The following SP140L variants were observed in gnomAD, a reference collection of about 807,000 sequenced individuals.
SP140L encodes SP140 like nuclear body protein, also known as nuclear body protein SP140-like protein.
A neutral mutation model predicts 84.3 loss-of-function variants in SP140L; 64 were observed. The ratio of observed to expected loss-of-function variants is 0.76; its 90% CI spans 0.62 to 0.94. The LOEUF is 0.94. Ranked by LOEUF, SP140L falls within the 40% of genes least tolerant of loss-of-function variation. The pLI is 0.00. For missense variants in SP140L, 628 were observed against 692.5 expected (o/e 0.91, Z 1.05); for synonymous variants, 242 against 236.9 (o/e 1.02, Z -0.20).
intron 2 of SP140L, among the ~76,000 whole-genome samples, chr2:230,339,413 G>T (rs2059970430): frequency 6.6e-6 from 1 of 151,328 alleles, no homozygotes; most frequent in Admixed American, 6.6e-5. Context: ...CTTGCTAGCG[G>T]TCTATCAATT....
At chr2:230,383,139 C>A (rs1032217094) in intron 7 of SP140L, among the ~76,000 whole-genome samples, 1 of 152,216 alleles carries the variant, frequency 6.6e-6, no homozygotes, top group Admixed American at 6.5e-5. Context: ...TTATCCATAA[C>A]ACCATCAACC....
At position 230,398,369 on chromosome 2, in the gene SP140L, A is replaced by C. The variant is rs574787289; in HGVS notation, c.1197+1571A>C. Among the ~76,000 whole-genome samples the C allele has an allele frequency of 3.8e-4, 58 of 152,346 alleles. 1 individual carries two copies. The South Asian group carries it at 0.012, about 30-fold the overall frequency. On this transcript the variant is annotated intron_variant, in intron 14 of 18. Coordinates refer to ENST00000415673, the MANE Select transcript of SP140L (RefSeq NM_138402.6). ...CAACAACTAAAGAACCAGAGAAATC[A>C]AATCTCTTCTTGAAAAGATATAAGT...
intron 2 of SP140L, among the ~76,000 whole-genome samples, chr2:230,348,162 GA>G (rs2060266022): frequency 6.6e-6 from 1 of 152,226 alleles, no homozygotes; most frequent in African/African-American, 2.4e-5. Context: ...CAGCCTTGGG[GA>G]GGAGCAACAC....
intron 2 of SP140L, among the ~76,000 whole-genome samples, chr2:230,356,057 C>T (rs1402452113): frequency 6.6e-6 from 1 of 152,086 alleles, no homozygotes; most frequent in East Asian, 1.9e-4. Context: ...CCAGTAAACA[C>T]ATGAAAACAT....
chr2:230,365,047 T>C (rs1328466466), intron 5 of SP140L, among the ~76,000 whole-genome samples: 1 of 152,084 alleles, frequency 6.6e-6, no homozygotes, highest in Non-Finnish European at 1.5e-5. Flanking sequence ...TGAGGATTTT[T>C]CACATATGTT....
At chr2:230,354,886 A>AAAGAAAGAAAGC (rs2060487883) in intron 2 of SP140L, among the ~76,000 whole-genome samples, 1 of 146,026 alleles carries the variant, frequency 6.8e-6, no homozygotes, top group Non-Finnish European at 1.5e-5. Flanking sequence ...AGAAAGAAAG[A>AAAGAAAGAAAGC]AAGAAAGAAA....
chr2:230,392,205 G>T lies in SP140L; in HGVS notation c.1083G>T (p.Gly361=). The T allele has an allele frequency of 6.2e-7, 1 of 1,614,046 alleles. No homozygotes were observed. The highest frequency in any genetic ancestry group is 8.5e-7 in the Non-Finnish European group (1 of 1,179,940). The change falls in exon 12 of 19, where the codon GGG becomes GGT. Residue 361 remains glycine (G), a synonymous_variant. Coordinates refer to ENST00000415673, the MANE Select transcript of SP140L (RefSeq NM_138402.6). ...GGAGGCTGAGTGTGCGCTGTGGCGG[G>T]TGGCCCCTACGACGGCTGATGGAGG... The part of the protein sequence containing the change: ...KNWRLSVRCG[G]WPLRRLMEEG...
chr2:230,387,828 T>C (rs1383153102), intron 9 of SP140L, among the ~76,000 whole-genome samples: 1 of 152,186 alleles, frequency 6.6e-6, no homozygotes, highest in Non-Finnish European at 1.5e-5. Context: ...GCTGTGGAAG[T>C]CTCAATTCTA....
chr2:230,388,618 A>G lies in SP140L; in HGVS notation c.844A>G (p.Arg282Gly). Residue 282 changes from arginine to glycine, a missense_variant, in exon 10 of 19, where the codon AGA becomes GGA. Physicochemically the swap from Arg to Gly is moderately radical, Grantham distance 125 (BLOSUM62 -2). Around this residue, in one of 4 missense-constraint regions of SP140L, gnomAD observed 525 missense variants for 518.4 expected, o/e 1.01. Coordinates refer to ENST00000415673, the MANE Select transcript of SP140L (RefSeq NM_138402.6). ...FTQSDRAPQK[R>G]VRSRASRKHK... ...TCAGAGTGACAGAGCTCCACAGAAA[A>G]GAGTCCGATCAAGAGGTAAAAAAGA... 6.2e-7 allele frequency: 1 copy of G among 1,609,334 alleles called. No individual in the cohort carries two copies. The highest frequency in any genetic ancestry group is 1.1e-5 in the South Asian group (1 of 89,782).
intron 2 of SP140L, among the ~76,000 whole-genome samples, chr2:230,330,185 C>G (rs1274276998): frequency 6.6e-6 from 1 of 152,100 alleles, no homozygotes; most frequent in Non-Finnish European, 1.5e-5. Flanking sequence ...CCTATTTTAT[C>G]TGAGAGAGAC....
At chr2:230,342,968 C>T (rs1285741333) in intron 2 of SP140L, among the ~76,000 whole-genome samples, 4 of 152,258 alleles carry the variant, frequency 2.6e-5, no homozygotes, top group Middle Eastern at 3.4e-3. Context: ...TGTAAAGCTA[C>T]GTTGTTGGAG....
intron 2 of SP140L, among the ~76,000 whole-genome samples, chr2:230,357,425 G>GCTGC (rs2060581809): frequency 6.6e-6 from 1 of 152,068 alleles, no homozygotes; most frequent in African/African-American, 2.4e-5. Context: ...TTCAAGGTTA[G>GCTGC]ATTTTTATTT....
At chr2:230,360,537 G>A (rs751209825) in intron 4 of SP140L, among the ~76,000 whole-genome samples, 10 of 152,156 alleles carry the variant, frequency 6.6e-5, no homozygotes, top group Non-Finnish European at 1.3e-4. Context: ...CACAAATTTC[G>A]AGTCAATGTT....
intron 2 of SP140L, among the ~76,000 whole-genome samples, chr2:230,347,799 G>A (rs999415421): frequency 6.6e-6 from 1 of 152,228 alleles, no homozygotes; most frequent in African/African-American, 2.4e-5. Context: ...ACCCAAGCCA[G>A]TTAGAATTGC....
At chr2:230,354,917 A>AAGG (rs2060494285) in intron 2 of SP140L, among the ~76,000 whole-genome samples, 1 of 148,518 alleles carries the variant, frequency 6.7e-6, no homozygotes, top group African/African-American at 2.5e-5. Flanking sequence ...AGAAGAAAGA[A>AAGG]AAAGAAAGAA....
chr2:230,340,121 A>C (rs2059996198), intron 2 of SP140L, among the ~76,000 whole-genome samples: 1 of 150,702 alleles, frequency 6.6e-6, no homozygotes, highest in Non-Finnish European at 1.5e-5. Context: ...AATGTGTGGG[A>C]GTCTAAGTCT....
At chr2:230,384,503 T>G (rs1373051260) in intron 8 of SP140L, among the ~76,000 whole-genome samples, 1 of 152,244 alleles carries the variant, frequency 6.6e-6, no homozygotes, top group East Asian at 1.9e-4. Context: ...AATTGTTTCT[T>G]TTCACCAATC....
At chr2:230,360,064 A>G (rs1235253924) in intron 4 of SP140L, among the ~76,000 whole-genome samples, 1 of 147,044 alleles carries the variant, frequency 6.8e-6, no homozygotes, top group Non-Finnish European at 1.5e-5. Flanking sequence ...GGTGCCCTCT[A>G]TTTTGTTTTA....
Position 230,403,209 on chromosome 2 carries a change from CGT to C in SP140L, c.*314_*315del. On this transcript the variant is annotated 3_prime_UTR_variant, in exon 19 of 19. Transcript: ENST00000415673. ...TATTACTCACAAGACCTTTTTCCTC[CGT>C]TTTTTTTTTGAGATGGAGTCTCACA... is the stretch of plus-strand genomic sequence containing the variant. 8.9e-6 allele frequency: 2 copies of C among 224,334 alleles called. No homozygotes were observed. Among genetic ancestry groups the C allele is most frequent in the Non-Finnish European group, 8.6e-6 (1 of 116,778 alleles). 13.9% of individuals were successfully genotyped at this position (224,334 alleles called of 1,614,324 possible).
Sources: gnomAD v4.1 joint callset for allele counts (sites outside exome capture counted in the v4.1 genomes callset) on GRCh38, gnomAD v4.1.1 for gene constraint, gnomAD v4.1.1 regional missense constraint, MANE v1.5 for transcripts, NCBI Gene and HGNC (gene_info 2026-07-23, HGNC 2026-07-21) for gene names.